RBM45: variants seen among roughly 807,000 people sequenced by gnomAD.
RBM45 encodes RNA binding motif protein 45, also known as RNA-binding protein 45.
A neutral mutation model predicts 58.5 loss-of-function variants in RBM45; 39 were observed. The observed-to-expected ratio is 0.67, with a 90% CI of 0.52 to 0.87. The LOEUF (loss-of-function observed/expected upper bound fraction) is 0.87. Among genes scored for constraint, RBM45 ranks in the 40% least tolerant of loss-of-function variants. RBM45 has a pLI of 0.00. For synonymous variants in RBM45, 193 were observed against 203.0 expected, an observed-to-expected ratio of 0.95 and a Z score of 0.42; for missense variants, 481 against 581.6, an observed-to-expected ratio of 0.83 and a Z score of 1.78.
Position 178,116,358 on chromosome 2 carries a change from G to C in RBM45, c.397G>C (p.Glu133Gln). Residue 133 changes from glutamate (E) to glutamine (Q), a missense_variant, in exon 2 of 10, where the codon GAA (glutamate) becomes CAA (glutamine). By Grantham distance (29) the Glu-to-Gln change is conservative. Transcript: ENST00000286070. ...TGTTATGATACCAAAGTCCTACACA[G>C]AAGAAGATCTGCGGGAAAAATTTAA... ...IFVMIPKSYT[E>Q]EDLREKFKVY... 1 of 1,605,488 alleles carries C rather than the reference G, an allele frequency of 6.2e-7. No homozygotes were observed. Among genetic ancestry groups the C allele is most frequent in the Non-Finnish European group, 8.5e-7 (1 of 1,177,672 alleles).
At chr2:178,132,643 T>C (rs2088014257), downstream of RBM45, among the ~76,000 whole-genome samples, 1 of 152,104 alleles carries the variant, frequency 6.6e-6, no homozygotes, top group Non-Finnish European at 1.5e-5. Context: ...CAGGCTGGAG[T>C]ACAATGGTGC....
downstream of RBM45, among the ~76,000 whole-genome samples, chr2:178,132,005 A>C (rs562402915): frequency 6.6e-6 from 1 of 152,218 alleles, no homozygotes; most frequent in African/African-American, 2.4e-5. Context: ...TGCCCAGCAA[A>C]TGTTAGTTAT....
At chr2:178,119,700 T>C (rs2087823967) in intron 3 of RBM45, among the ~76,000 whole-genome samples, 1 of 152,186 alleles carries the variant, frequency 6.6e-6, no homozygotes, top group South Asian at 2.1e-4. Flanking sequence ...CCTTGAAATA[T>C]GCCCATGTGC....
downstream of RBM45, among the ~76,000 whole-genome samples, chr2:178,134,126 G>A (rs558468773): frequency 6.6e-6 from 1 of 152,294 alleles, no homozygotes; most frequent in African/African-American, 2.4e-5. Flanking sequence ...TATATGAATT[G>A]AAGACAGTAT....
intron 5 of RBM45, among the ~76,000 whole-genome samples, chr2:178,121,768 ATC>A (rs1472473808): frequency 1.3e-5 from 2 of 152,032 alleles, no homozygotes; most frequent in Non-Finnish European, 2.9e-5. Context: ...TCATCCCTAG[ATC>A]TCTTTCTCTT....
At chr2:178,125,640 C>T (rs1281453252) in intron 8 of RBM45, 2 of 476,808 alleles carry the variant, frequency 4.2e-6, no homozygotes, top group African/African-American at 2.0e-5. Flanking sequence ...ACCATGGAGG[C>T]AATGGGGAGC....
chr2:178,120,398 T>C lies in RBM45; in HGVS notation c.662T>C (p.Met221Thr). Residue 221 changes from methionine (M) to threonine (T), a missense_variant, in exon 4 of 10, where the codon ATG (methionine) becomes ACG (threonine). Coordinates refer to ENST00000286070, the MANE Select transcript of RBM45 (RefSeq NM_152945.4). Reference protein sequence around the residue: ...EALGHEPRVNMFPFEQQSEFS... With the variant: ...EALGHEPRVNTFPFEQQSEFS... ...TTGGGACATGAACCTAGAGTAAATA[T>C]GTTTCCATTTGGTAAGTAGGCAACC... 6.2e-7 allele frequency: 1 copy of C among 1,609,908 alleles called. No individual in the cohort carries two copies. Among genetic ancestry groups the C allele is most frequent in the Middle Eastern group, 1.7e-4 (1 of 5,972 alleles).
chr2:178,134,309 G>A (rs2088028006), downstream of RBM45, among the ~76,000 whole-genome samples: 3 of 152,152 alleles, frequency 2.0e-5, no homozygotes, highest in Non-Finnish European at 4.4e-5. Context: ...TGTGTGAAAA[G>A]GCAAGTACCA....
rs372335848 is a variant in RBM45, at chr2:178,123,612, T to C, written c.944T>C (p.Ile315Thr). The change falls in exon 6 of 10, where the codon ATA (isoleucine) becomes ACA (threonine). Residue 315 changes from isoleucine to threonine, a missense_variant. Ile to Thr is a moderately conservative substitution (Grantham distance 89). Transcript: ENST00000286070. ...TTTCAGTACCCTCCTGGGAACCGAA[T>C]AGGTGTTTCCTTCATTGATGATGGA... is the stretch of plus-strand genomic sequence containing the variant. ...HGFQYPPGNR[I>T]GVSFIDDGSN... 32 of 1,609,356 alleles carry C rather than the reference T, an allele frequency of 2.0e-5. No homozygotes were observed. The highest frequency in any genetic ancestry group is 2.7e-5 in the African/African-American group (2 of 74,640).
chr2:178,120,423 C>CT lies in RBM45; in HGVS notation c.673+17dup, dbSNP rs1167119206. On this transcript the variant is annotated intron_variant, in intron 4 of 9. Coordinates refer to ENST00000286070, the MANE Select transcript of RBM45 (RefSeq NM_152945.4). ...TGTTTCCATTTGGTAAGTAGGCAAC[C>CT]TTTACTTTTAATAGTATAATGTAGT... 2 of 1,604,262 alleles carry CT rather than the reference C, an allele frequency of 1.2e-6. No individual in the cohort carries two copies. The highest frequency in any genetic ancestry group is 1.7e-6 in the Non-Finnish European group (2 of 1,176,966).
chr2:178,121,495 G>C, intron 5 of RBM45, 136 bp downstream of exon 5: 3 of 410,690 alleles, frequency 7.3e-6, no homozygotes, highest in Non-Finnish European at 1.2e-5. Flanking sequence ...GTCAAGTACT[G>C]CTCATGTGAC....
At chr2:178,126,213 A>G (rs1354671128) in intron 9 of RBM45, 29 bp downstream of exon 9, 1 of 1,484,236 alleles carries the variant, frequency 6.7e-7, no homozygotes, top group African/African-American at 1.4e-5. Flanking sequence ...GAATTTTAAA[A>G]CATATTGAGT....
At position 178,112,649 on chromosome 2, in the gene RBM45, T is replaced by C. The variant is rs767731871; in HGVS notation, c.103T>C (p.Tyr35His). ...CCGCATCTTCCTTGTGATCAGCAAG[T>C]ACACACCTGAGTCGGTGCTGAGGGA... ...NSRIFLVISK[Y>H]TPESVLRERF... The change falls in exon 1 of 10, where the codon TAC (tyrosine) becomes CAC (histidine). Residue 35 changes from tyrosine to histidine, a missense_variant. Physicochemically the swap from Tyr to His is moderately conservative, Grantham distance 83. Coordinates refer to ENST00000286070, the MANE Select transcript of RBM45 (RefSeq NM_152945.4). The C allele has an allele frequency of 3.1e-6, 5 of 1,614,128 alleles. No homozygotes were observed. The Admixed American group carries it at 8.3e-5, about 27-fold the overall frequency.
exon 4 of RBM45, chr2:178,136,845 T>C (rs1171186434): frequency 6.6e-6 from 1 of 152,194 alleles, no homozygotes; most frequent in Non-Finnish European, 1.5e-5. Context: ...CTTACTTAAG[T>C]AAGCTGTGGA....
At chr2:178,117,045 C>G (rs1237124847) in intron 2 of RBM45, among the ~76,000 whole-genome samples, 7 of 152,078 alleles carry the variant, frequency 4.6e-5, no homozygotes, top group Admixed American at 3.3e-4. Flanking sequence ...CAGTGATGAG[C>G]TTTCACACAA....
chr2:178,128,948 G>A (rs184123848), intron 9 of RBM45, among the ~76,000 whole-genome samples: 264 of 152,050 alleles, frequency 1.7e-3, no homozygotes, highest in Admixed American at 4.2e-3. Context: ...TTTTTTGTTT[G>A]TTTCTTTAAT....
intron 8 of RBM45, 38 bp downstream of exon 8, chr2:178,124,328 C>T: frequency 1.6e-6 from 2 of 1,272,726 alleles, no homozygotes; most frequent in Non-Finnish European, 2.2e-6. Context: ...TTTATTTACA[C>T]TAGTAATTTA....
intron 3 of RBM45, 50 bp downstream of exon 3, chr2:178,118,231 A>T: frequency 6.6e-7 from 1 of 1,518,544 alleles, no homozygotes; most frequent in Non-Finnish European, 8.9e-7. Context: ...AATTCTGATT[A>T]TTCTAAATAG....
rs1189986189 is a variant in RBM45, at chr2:178,129,453, C to G, written c.*65C>G. ...CTGACTGACTGAAAATGTGACTGGA[C>G]GCATTCCCTGTGGACAGTTGACAGC... is the stretch of plus-strand genomic sequence containing the variant. On this transcript the variant is annotated 3_prime_UTR_variant, in exon 10 of 10. Coordinates refer to ENST00000286070, the MANE Select transcript of RBM45 (RefSeq NM_152945.4). 1 of 152,194 alleles carries G rather than the reference C, an allele frequency of 6.6e-6. No individual in the cohort carries two copies. Among genetic ancestry groups the G allele is most frequent in the African/African-American group, 2.4e-5 (1 of 41,306 alleles). 9.4% of individuals were successfully genotyped at this position (152,194 alleles called of 1,614,324 possible).
Sources: gnomAD v4.1 joint callset for allele counts (sites outside exome capture counted in the v4.1 genomes callset) on GRCh38, gnomAD v4.1.1 for gene constraint, MANE v1.5 for transcripts, NCBI Gene and HGNC (gene_info 2026-07-23, HGNC 2026-07-21) for gene names.